The following SLC25A24 variants were observed in gnomAD, a reference collection of about 807,000 sequenced individuals.
The protein encoded by SLC25A24 is mitochondrial adenyl nucleotide antiporter SLC25A24.
SLC25A24 carries 49 observed loss-of-function variants against 60.7 expected under a neutral mutation model. The observed-to-expected ratio is 0.81, with a 90% CI of 0.64 to 1.02. The LOEUF (loss-of-function observed/expected upper bound fraction) is 1.02, where lower values mean the gene tolerates loss of function less well. SLC25A24 is among the 50% of genes least tolerant of loss of function. The pLI is 0.00. For synonymous variants in SLC25A24, 202 were observed against 200.6 expected (o/e 1.01, Z -0.06); for missense variants, 564 against 586.3 (o/e 0.96, Z 0.39).
chr1:108,174,070 T>A lies in SLC25A24; in HGVS notation c.398+7871A>T, dbSNP rs185743739. 2.8e-3 allele frequency among the ~76,000 whole-genome samples: 424 copies of A among 152,170 alleles called. 3 individuals carry two copies. The highest frequency in any genetic ancestry group is 4.0e-3 in the Non-Finnish European group (269 of 68,002). On this transcript the variant is annotated intron_variant, in intron 3 of 9. Coordinates refer to ENST00000565488, the MANE Select transcript of SLC25A24 (RefSeq NM_013386.5). ...AAAAATCTATTTTCTGAGGAAAAAA[T>A]TCAAGCCAGCTGCAGAAATCTGCAT...
chr1:108,136,542 T>C lies in SLC25A24; in HGVS notation c.*111A>G. ...ACCATTGTTACCATCTTCCCTTTTG[T>C]GAAAAAAATGCAGCTTCTTTTGCCA... On this transcript the variant is annotated 3_prime_UTR_variant, in exon 10 of 10. Coordinates refer to ENST00000565488, the MANE Select transcript of SLC25A24 (RefSeq NM_013386.5). The C allele has an allele frequency of 1.1e-6, 1 of 886,924 alleles. No individual in the cohort carries two copies. The highest frequency in any genetic ancestry group is 1.8e-5 in the South Asian group (1 of 56,998). The allele number at this position is 886,924 out of a possible 1,614,324, so 54.9% of individuals were successfully genotyped here. A position where few individuals can be genotyped will look rare whatever the true frequency, so the allele number is the denominator to read the frequency against.
intron 3 of SLC25A24, among the ~76,000 whole-genome samples, chr1:108,164,778 T>TCG (rs540436814): frequency 2.1e-5 from 2 of 96,794 alleles, no homozygotes; most frequent in African/African-American, 9.1e-5. Flanking sequence ...GAAGGGTTTT[T>TCG]TGTCTCTATT....
In SLC25A24 at chr1:108,136,161, T is replaced by C. The variant is rs1009568772; in HGVS notation, c.*492A>G. 2.0e-5 allele frequency: 3 copies of C among 152,470 alleles called. No individual in the cohort carries two copies. The highest frequency in any genetic ancestry group is 7.2e-5 in the African/African-American group (3 of 41,462). The allele number at this position is 152,470 out of a possible 1,614,324, so 9.4% of individuals were successfully genotyped here. ...ATAAGGACATAAACCCTATACTTAT[T>C]TGGATGCTTTTGCTGTAAGGTATAT... On this transcript the variant is annotated 3_prime_UTR_variant, in exon 10 of 10. Transcript: ENST00000565488.
Position 108,134,867 on chromosome 1 carries a change from A to G in SLC25A24, c.*1786T>C, listed in dbSNP as rs571194434. ...TTTTTGATAGAAACTGTAAGTAAAT[A>G]TTCAGTACTACCAGAAATATACTAT... On this transcript the variant is annotated 3_prime_UTR_variant, in exon 10 of 10. Transcript: ENST00000565488. 1.1e-4 allele frequency: 16 copies of G among 152,332 alleles called. No homozygotes were observed. In the East Asian group the frequency reaches 3.1e-3, roughly 29 times the overall value. 9.4% of individuals were successfully genotyped at this position (152,332 alleles called of 1,614,324 possible). A position where few individuals can be genotyped will look rare whatever the true frequency, so the allele number is the denominator to read the frequency against.
chr1:108,175,687 C>G (rs1647650872), intron 3 of SLC25A24, among the ~76,000 whole-genome samples: 1 of 151,090 alleles, frequency 6.6e-6, no homozygotes, highest in African/African-American at 2.4e-5. Context: ...AAGACCCTTT[C>G]TCAAAAAAAA....
intron 3 of SLC25A24, among the ~76,000 whole-genome samples, chr1:108,180,619 T>C (rs1660410): frequency 0.2 from 469 of 2,328 alleles, 58 homozygotes; most frequent in African/African-American, 0.25. Flanking sequence ...GAGAAAGATC[T>C]CTCTCTCTCT....
chr1:108,194,899 G>A (rs766014353), intron 1 of SLC25A24, among the ~76,000 whole-genome samples: 2 of 152,232 alleles, frequency 1.3e-5, no homozygotes, highest in African/African-American at 2.4e-5. Context: ...CAAGGCCACA[G>A]TCTAGCAAGC....
At chr1:108,145,569 C>T (rs1184057241) in intron 7 of SLC25A24, among the ~76,000 whole-genome samples, 2 of 132,974 alleles carry the variant, frequency 1.5e-5, no homozygotes, top group African/African-American at 5.5e-5. Context: ...TTTAATCTAT[C>T]TTGAGTTAAT....
chr1:108,192,927 C>CG lies in SLC25A24; in HGVS notation c.184-6974dup, dbSNP rs1648391983. The CG allele has an allele frequency of 5.9e-5, 20 of 339,080 alleles. 1 individual carries two copies. In the South Asian group the frequency reaches 1.6e-3, roughly 27 times the overall value. The allele number at this position is 339,080 out of a possible 1,614,324, so 21.0% of individuals were successfully genotyped here. On this transcript the variant is annotated intron_variant, in intron 1 of 9. Transcript: ENST00000565488. ...CTCACTCACGTCTGATCAGAAGCCC[C>CG]GGCTCCCACTCCAGGAAGAGTCCAG...
rs911692689 is a variant in SLC25A24, at chr1:108,135,096, C to T, written c.*1557G>A. 4 of 152,336 alleles carry T rather than the reference C, an allele frequency of 2.6e-5. No individual in the cohort carries two copies. Among genetic ancestry groups the T allele is most frequent in the South Asian group, 2.1e-4 (1 of 4,828 alleles). 9.4% of individuals were successfully genotyped at this position (152,336 alleles called of 1,614,324 possible). ...TTTTTACGAGTAAAAATAGAAAGAG[C>T]TGATCATGTACCTTAATATTGTCAC... On this transcript the variant is annotated 3_prime_UTR_variant, in exon 10 of 10. Coordinates refer to ENST00000565488, the MANE Select transcript of SLC25A24 (RefSeq NM_013386.5).
At chr1:108,148,051 G>T (rs1679654596) in intron 7 of SLC25A24, among the ~76,000 whole-genome samples, 1 of 152,166 alleles carries the variant, frequency 6.6e-6, no homozygotes, top group South Asian at 2.1e-4. Flanking sequence ...AGTGAGCTTG[G>T]AATCCGCCTC....
At chr1:108,181,089 CA>C (rs1301118682) in intron 3 of SLC25A24, among the ~76,000 whole-genome samples, 1 of 152,130 alleles carries the variant, frequency 6.6e-6, no homozygotes, top group Admixed American at 6.5e-5. Context: ...CTAGTACTAA[CA>C]AAAGTCATTA....
At chr1:108,172,339 C>T (rs111976675) in intron 3 of SLC25A24, among the ~76,000 whole-genome samples, 1 of 152,122 alleles carries the variant, frequency 6.6e-6, no homozygotes, top group Non-Finnish European at 1.5e-5. Flanking sequence ...TTGTTTTAAA[C>T]GAACACCTGA....
At position 108,177,615 on chromosome 1, in the gene SLC25A24, TA is replaced by T. The variant is rs199892700; in HGVS notation, c.398+4325del. Among the ~76,000 whole-genome samples the T allele has an allele frequency of 9.5e-4, 145 of 152,286 alleles. 1 individual carries two copies. In the East Asian group the frequency reaches 0.027, roughly 28 times the overall value. On this transcript the variant is annotated intron_variant, in intron 3 of 9. Transcript: ENST00000565488. ...AACCAAAGGAGAGCAGGAGTAACTT[TA>T]CTTGTATCATATAAAACAAACTTTA...
chr1:108,160,634 T>C (rs1412399151), intron 4 of SLC25A24, among the ~76,000 whole-genome samples: 1 of 152,098 alleles, frequency 6.6e-6, no homozygotes, highest in Non-Finnish European at 1.5e-5. Flanking sequence ...GCCGAGATCA[T>C]GCCACTGCAC....
At chr1:108,148,115 G>A (rs1679657233) in intron 7 of SLC25A24, among the ~76,000 whole-genome samples, 164 bp downstream of exon 7, 1 of 152,158 alleles carries the variant, frequency 6.6e-6, no homozygotes, top group Non-Finnish European at 1.5e-5. Context: ...GAAAAACCCT[G>A]AGCCAGAGGC....
chr1:108,150,183 G>T (rs1240243563), intron 6 of SLC25A24, among the ~76,000 whole-genome samples: 1 of 152,160 alleles, frequency 6.6e-6, no homozygotes, highest in Non-Finnish European at 1.5e-5. Context: ...CCTATCAAAA[G>T]TACAGAGTAA....
intron 1 of SLC25A24, chr1:108,198,931 T>G (rs1177743414): frequency 9.9e-5 from 15 of 152,216 alleles, no homozygotes; most frequent in Non-Finnish European, 1.5e-5. Flanking sequence ...GTTGGTTCCT[T>G]CAAAGTATGA....
chr1:108,148,212 T>C lies in SLC25A24; in HGVS notation c.930+67A>G, dbSNP rs549948850. ...TTTAAACTGTTAATTTTGGGATAACTTGTTAGAGAGCAATAGACAACCAAC... is the reference window on the plus strand; with the variant it reads ...TTTAAACTGTTAATTTTGGGATAACCTGTTAGAGAGCAATAGACAACCAAC... On this transcript the variant is annotated intron_variant, in intron 7 of 9. Transcript: ENST00000565488. 29 of 944,024 alleles carry C rather than the reference T, an allele frequency of 3.1e-5. No individual in the cohort carries two copies. The South Asian group carries it at 3.8e-4, about 12-fold the overall frequency. 58.5% of individuals were successfully genotyped at this position (944,024 alleles called of 1,614,324 possible). A position where few individuals can be genotyped will look rare whatever the true frequency, so the allele number is the denominator to read the frequency against.
Sources: allele counts gnomAD v4.1 joint callset (sites outside exome capture counted in the v4.1 genomes callset), GRCh38; gene constraint gnomAD v4.1.1; transcripts MANE v1.5; gene names NCBI Gene and HGNC (gene_info 2026-07-23, HGNC 2026-07-21).